Variants in UBE2E2 observed in about 807,000 individuals in gnomAD.
The protein encoded by UBE2E2 is ubiquitin-conjugating enzyme E2 E2.
In UBE2E2, 6 loss-of-function variants were observed where a neutral mutation model predicts 24.7. The observed-to-expected ratio is 0.24, with a 90% confidence interval of 0.13 to 0.48. UBE2E2 has a LOEUF of 0.48. Ranked by LOEUF, UBE2E2 falls within the 20% of genes least tolerant of loss-of-function variation. UBE2E2 has a pLI of 0.99. For synonymous variants in UBE2E2, 104 were observed against 83.6 expected (o/e 1.24, Z -1.33); for missense variants, 169 against 245.0 (o/e 0.69, Z 2.07).
chr3:23,238,526 A>G (rs944735691), intron 3 of UBE2E2, among the ~76,000 whole-genome samples: 1 of 152,218 alleles, frequency 6.6e-6, no homozygotes, highest in Admixed American at 6.5e-5. Context: ...TTTTCCCCTT[A>G]AGAAACCATC....
At chr3:23,506,263 T>C (rs1216770736) in intron 4 of UBE2E2, among the ~76,000 whole-genome samples, 1 of 152,200 alleles carries the variant, frequency 6.6e-6, no homozygotes, top group African/African-American at 2.4e-5. Context: ...ACATTTTGAA[T>C]TGCCTATTTG....
chr3:23,221,785 C>T (rs545637683), intron 3 of UBE2E2, among the ~76,000 whole-genome samples: 3 of 152,186 alleles, frequency 2.0e-5, no homozygotes, highest in South Asian at 2.1e-4. Context: ...TACAGGCGTG[C>T]GCCACCATGC....
rs1696758917 is a variant in UBE2E2, at chr3:23,591,423, T to G, written c.*1592T>G. On this transcript the variant is annotated 3_prime_UTR_variant, in exon 6 of 6. Transcript: ENST00000396703. The stretch of plus-strand genomic sequence containing the variant: ...GTTAAAAATAAATCCTAAGAAAATA[T>G]ATTTAAATATTGCAAATGCCACTTC... 1 of 152,224 alleles carries G rather than the reference T, an allele frequency of 6.6e-6. No homozygotes were observed. The highest frequency in any genetic ancestry group is 2.1e-4 in the South Asian group (1 of 4,834). The allele number at this position is 152,224 out of a possible 1,614,324, so 9.4% of individuals were successfully genotyped here.
intron 3 of UBE2E2, among the ~76,000 whole-genome samples, chr3:23,325,566 T>C (rs1353715339): frequency 6.6e-6 from 1 of 152,244 alleles, no homozygotes. Context: ...TCTTGAGTTT[T>C]AAAGTCTAAA....
At chr3:23,353,424 T>C (rs1443926071) in intron 3 of UBE2E2, among the ~76,000 whole-genome samples, 5 of 152,040 alleles carry the variant, frequency 3.3e-5, no homozygotes, top group Non-Finnish European at 5.9e-5. Flanking sequence ...GGTATTCAAT[T>C]AGGAAAAGAG....
chr3:23,206,276 G>A (rs1457152847), intron 1 of UBE2E2, among the ~76,000 whole-genome samples: 1 of 151,528 alleles, frequency 6.6e-6, no homozygotes, highest in Non-Finnish European at 1.5e-5. Context: ...TTAAACTTCT[G>A]ATATATTTTA....
intron 4 of UBE2E2, among the ~76,000 whole-genome samples, chr3:23,500,627 G>A (rs934130568): frequency 1.3e-5 from 2 of 152,130 alleles, no homozygotes; most frequent in African/African-American, 4.8e-5. Context: ...TTTGTATTGT[G>A]GGTTGGAGTA....
At position 23,308,247 on chromosome 3, in the gene UBE2E2, G is replaced by A. The variant is rs11922172; in HGVS notation, c.227+90935G>A. ...AGATGAAATATGTGTAGTAACTAGA[G>A]CAATGTCAGACATTCAGATATTAGT... On this transcript the variant is annotated intron_variant, in intron 3 of 5. Coordinates refer to ENST00000396703, the MANE Select transcript of UBE2E2 (RefSeq NM_152653.4). Among the ~76,000 whole-genome samples the A allele has an allele frequency of 5.1e-3, 773 of 152,284 alleles. 8 individuals carry two copies. Among genetic ancestry groups the A allele is most frequent in the African/African-American group, 0.018 (740 of 41,572 alleles).
At chr3:23,471,145 CTA>C (rs1404493962) in intron 3 of UBE2E2, among the ~76,000 whole-genome samples, 34 of 152,128 alleles carry the variant, frequency 2.2e-4, no homozygotes, top group African/African-American at 7.7e-4. Context: ...GAGTATTTTA[CTA>C]TGTTTTCATT....
rs537367992 is a variant in UBE2E2, at chr3:23,561,250, A to C, written c.509-28484A>C. 2.0e-5 allele frequency among the ~76,000 whole-genome samples: 3 copies of C among 152,308 alleles called. No individual in the cohort carries two copies. The South Asian group carries it at 6.2e-4, about 32-fold the overall frequency. ...ATCCATCTTGAATTAATTTTTGTAT[A>C]AGGTGTAAGGAAGGGATCCAGTTTC... On this transcript the variant is annotated intron_variant, in intron 5 of 5. Transcript: ENST00000396703.
chr3:23,388,967 A>C (rs1258576898), intron 3 of UBE2E2, among the ~76,000 whole-genome samples: 1 of 149,784 alleles, frequency 6.7e-6, no homozygotes, highest in Admixed American at 6.8e-5. Context: ...GTGCCACTGC[A>C]CTCCAGCCTG....
intron 3 of UBE2E2, among the ~76,000 whole-genome samples, chr3:23,261,617 C>G (rs1423613230): frequency 6.6e-6 from 1 of 152,074 alleles, no homozygotes; most frequent in Non-Finnish European, 1.5e-5. Flanking sequence ...AACTGACATC[C>G]CCCCATTTCC....
At chr3:23,508,346 T>C (rs556063936) in intron 4 of UBE2E2, among the ~76,000 whole-genome samples, 6 of 152,324 alleles carry the variant, frequency 3.9e-5, no homozygotes, top group Non-Finnish European at 2.9e-5. Context: ...GAATACCAAC[T>C]TTATTGTAAG....
rs994613987 is a variant in UBE2E2, at chr3:23,323,461, T to A, written c.227+106149T>A. ...TAGCTCAGGTGTAAGTAATACGGGG[T>A]GAGCATCCCAAATTCGAAAATTCAA... is the stretch of plus-strand genomic sequence containing the variant. On this transcript the variant is annotated intron_variant, in intron 3 of 5. Transcript: ENST00000396703. The A allele has an allele frequency of 2.9e-5, 12 of 407,204 alleles. No homozygotes were observed. The Admixed American group carries it at 3.0e-4, about 10-fold the overall frequency. 25.2% of individuals were successfully genotyped at this position (407,204 alleles called of 1,614,324 possible).
intron 5 of UBE2E2, among the ~76,000 whole-genome samples, chr3:23,573,807 A>G (rs972033085): frequency 1.3e-5 from 2 of 152,256 alleles, no homozygotes; most frequent in African/African-American, 2.4e-5. Flanking sequence ...GTACGCCAAT[A>G]TGGGTTACTA....
At chr3:23,271,084 A>T (rs1239513108) in intron 3 of UBE2E2, 2 of 453,428 alleles carry the variant, frequency 4.4e-6, no homozygotes, top group Admixed American at 2.4e-5. Flanking sequence ...AGTTAAGATG[A>T]TAGCAGTAAT....
At chr3:23,348,223 C>A (rs544214723) in intron 3 of UBE2E2, among the ~76,000 whole-genome samples, 18 of 152,024 alleles carry the variant, frequency 1.2e-4, no homozygotes, top group Non-Finnish European at 1.9e-4. Context: ...ACCTAGAGAA[C>A]CTTATCTCTC....
Position 23,203,333 on chromosome 3 carries a change from C to A in UBE2E2, c.-140C>A. 1 of 986,606 alleles carries A rather than the reference C, an allele frequency of 1.0e-6. No individual in the cohort carries two copies. The highest frequency in any genetic ancestry group is 4.5e-5 in the South Asian group (1 of 22,046). 61.1% of individuals were successfully genotyped at this position (986,606 alleles called of 1,614,324 possible). A position where few individuals can be genotyped will look rare whatever the true frequency, so the allele number is the denominator to read the frequency against. ...GTGCGTGGTGCGTGGGTCCGGCTTT[C>A]GGTGACTAGACGGTCCGCAGGGGAC... is the stretch of plus-strand genomic sequence containing the variant. On this transcript the variant is annotated 5_prime_UTR_variant, in exon 1 of 6. Coordinates refer to ENST00000396703, the MANE Select transcript of UBE2E2 (RefSeq NM_152653.4).
intron 3 of UBE2E2, among the ~76,000 whole-genome samples, chr3:23,488,367 C>A (rs918006341): frequency 2.0e-5 from 3 of 152,106 alleles, no homozygotes; most frequent in Non-Finnish European, 4.4e-5. Flanking sequence ...AGCCCCCTAC[C>A]GCCCCGCCGA....
Sources: allele counts gnomAD v4.1 joint callset (sites outside exome capture counted in the v4.1 genomes callset), GRCh38; gene constraint gnomAD v4.1.1; transcripts MANE v1.5; gene names NCBI Gene and HGNC (gene_info 2026-07-23, HGNC 2026-07-21).